NUMB: variants seen among roughly 807,000 people sequenced by gnomAD.
The protein encoded by NUMB is protein numb homolog.
Under a neutral mutation model 59.7 loss-of-function variants are expected in NUMB, and 29 were observed. That is an observed-to-expected ratio of 0.49 (90% confidence interval 0.36 to 0.66). The LOEUF is 0.66. Ranked by LOEUF, NUMB falls within the 30% of genes least tolerant of loss-of-function variation. The pLI is 0.00. For synonymous variants in NUMB, 288 were observed against 288.2 expected (o/e 1.00, Z 0.01); for missense variants, 723 against 822.0 (o/e 0.88, Z 1.47).
intron 1 of NUMB, among the ~76,000 whole-genome samples, chr14:73,431,513 G>A (rs537934020): frequency 6.6e-5 from 10 of 151,714 alleles, no homozygotes; most frequent in South Asian, 2.1e-4. Flanking sequence ...TTGGGAGGCC[G>A]AGGAAGGTGG....
intron 3 of NUMB, among the ~76,000 whole-genome samples, chr14:73,360,506 T>C (rs12886907): frequency 0.8 from 121,743 of 152,032 alleles, 49,309 homozygotes; most frequent in African/African-American, 0.92. Context: ...TGTAGTGAGC[T>C]GAGATCACAC....
intron 10 of NUMB, 57 bp from the exon 11 acceptor site, chr14:73,282,562 G>T: frequency 6.3e-7 from 1 of 1,577,196 alleles, no homozygotes; most frequent in South Asian, 1.1e-5. Context: ...CCTGAAATTT[G>T]ACAGTATGAT....
chr14:73,371,879 G>A (rs764444768), intron 2 of NUMB, among the ~76,000 whole-genome samples: 1 of 151,956 alleles, frequency 6.6e-6, no homozygotes, highest in South Asian at 2.1e-4. Context: ...ATAAAATTCT[G>A]GTTTTTATAA....
Position 73,277,020 on chromosome 14 carries a change from A to G in NUMB, c.1514T>C (p.Phe505Ser), listed in dbSNP as rs753545813. The G allele has an allele frequency of 6.2e-7, 1 of 1,614,108 alleles. No homozygotes were observed. The highest frequency in any genetic ancestry group is 1.1e-5 in the South Asian group (1 of 91,084). The change falls in exon 13 of 13, where the codon TTT (phenylalanine) becomes TCT (serine). Residue 505 changes from phenylalanine (F) to serine (S), a missense_variant. By Grantham distance (155) the Phe-to-Ser change is radical (BLOSUM62 -2). This residue lies in a region of NUMB where 406 missense variants were observed against 385.4 expected (regional missense o/e 1.05). Transcript: ENST00000555238. Reference protein sequence around the residue: ...VGVVPALQPAFVPAQSYPVAN... With the variant: ...VGVVPALQPASVPAQSYPVAN... ...CACAGGATAGGACTGGGCAGGGACA[A>G]AGGCTGGTTGCAGGGCTGGGACCAC...
At chr14:73,303,986 T>C (rs1047160101) in intron 6 of NUMB, among the ~76,000 whole-genome samples, 1 of 152,254 alleles carries the variant, frequency 6.6e-6, no homozygotes, top group African/African-American at 2.4e-5. Context: ...CCTTTTATTA[T>C]GGGTAGATAT....
At chr14:73,375,881 A>G (rs1465307152) in intron 2 of NUMB, among the ~76,000 whole-genome samples, 1 of 152,238 alleles carries the variant, frequency 6.6e-6, no homozygotes, top group African/African-American at 2.4e-5. Flanking sequence ...AAAATTTTAT[A>G]CAAACTAGGA....
intron 1 of NUMB, among the ~76,000 whole-genome samples, chr14:73,423,228 G>A (rs1337453367): frequency 1.3e-5 from 2 of 151,956 alleles, no homozygotes; most frequent in Non-Finnish European, 1.5e-5. Flanking sequence ...GGCCGGGTGC[G>A]GTGGCTCACT....
At chr14:73,374,243 C>T (rs1270438638) in intron 2 of NUMB, among the ~76,000 whole-genome samples, 1 of 152,166 alleles carries the variant, frequency 6.6e-6, no homozygotes, top group Non-Finnish European at 1.5e-5. Flanking sequence ...TGGTCTCAAA[C>T]TCCTGGCCTC....
At chr14:73,342,932 C>T (rs1270477772) in intron 4 of NUMB, among the ~76,000 whole-genome samples, 2 of 152,068 alleles carry the variant, frequency 1.3e-5, no homozygotes, top group Admixed American at 1.3e-4. Context: ...GCGGCCTCTA[C>T]CTCCTTACCT....
Position 73,316,264 on chromosome 14 carries a change from T to C in NUMB, c.234+126A>G, listed in dbSNP as rs143663743. The C allele has an allele frequency of 1.2e-3, 908 of 751,496 alleles. 13 individuals carry two copies. In the African/African-American group the frequency reaches 0.015, roughly 12 times the overall value. 46.6% of individuals were successfully genotyped at this position (751,496 alleles called of 1,614,324 possible). A position where few individuals can be genotyped will look rare whatever the true frequency, so the allele number is the denominator to read the frequency against. On this transcript the variant is annotated intron_variant, in intron 6 of 12. Transcript: ENST00000555238. Reference sequence around the variant, plus strand: ...TAACTTCCTAATTCATTAATTTCCATATACAATCAAACCAATTCCTGCATT... The same window carrying C: ...TAACTTCCTAATTCATTAATTTCCACATACAATCAAACCAATTCCTGCATT...
chr14:73,324,995 C>T (rs1891589124), intron 4 of NUMB, among the ~76,000 whole-genome samples: 1 of 150,590 alleles, frequency 6.6e-6, no homozygotes, highest in African/African-American at 2.4e-5. Context: ...CTTGCTACTG[C>T]CACAAGTAGC....
intron 2 of NUMB, among the ~76,000 whole-genome samples, chr14:73,376,360 A>C (rs1449480235): frequency 6.6e-6 from 1 of 152,126 alleles, no homozygotes; most frequent in South Asian, 2.1e-4. Context: ...CAAAATCTAC[A>C]CAAGAAAAAT....
At chr14:73,379,280 A>T (rs1895115788) in intron 2 of NUMB, among the ~76,000 whole-genome samples, 1 of 152,254 alleles carries the variant, frequency 6.6e-6, no homozygotes, top group African/African-American at 2.4e-5. Context: ...AATTTAATTT[A>T]AAAATGATTT....
intron 1 of NUMB, among the ~76,000 whole-genome samples, chr14:73,423,607 C>T (rs1225640864): frequency 1.3e-5 from 2 of 151,472 alleles, no homozygotes; most frequent in African/African-American, 4.9e-5. Context: ...CGCCACTGCA[C>T]TCCAGCCTGA....
At chr14:73,414,127 T>C in intron 1 of NUMB, among the ~76,000 whole-genome samples, 1 of 151,986 alleles carries the variant, frequency 6.6e-6, no homozygotes. Flanking sequence ...GCTAATATTT[T>C]TGTATTTTTA....
At chr14:73,376,643 A>C (rs1283569349) in intron 2 of NUMB, among the ~76,000 whole-genome samples, 2 of 152,266 alleles carry the variant, frequency 1.3e-5, no homozygotes, top group Non-Finnish European at 1.5e-5. Flanking sequence ...ATAAAGCCAC[A>C]GTAATCAAGA....
At chr14:73,378,742 G>A (rs1469424905) in intron 2 of NUMB, among the ~76,000 whole-genome samples, 1 of 152,192 alleles carries the variant, frequency 6.6e-6, no homozygotes, top group African/African-American at 2.4e-5. Flanking sequence ...ACTGCCAGGG[G>A]TAAGGGGTCT....
At chr14:73,414,059 A>G (rs561890482) in intron 1 of NUMB, among the ~76,000 whole-genome samples, 1 of 149,222 alleles carries the variant, frequency 6.7e-6, no homozygotes, top group East Asian at 2.0e-4. Flanking sequence ...GGTTCAAGGG[A>G]TTCTCATGCC....
At chr14:73,413,710 A>T (rs1455690332) in intron 1 of NUMB, among the ~76,000 whole-genome samples, 1 of 151,948 alleles carries the variant, frequency 6.6e-6, no homozygotes, top group Non-Finnish European at 1.5e-5. Flanking sequence ...GTGAGCAGAG[A>T]TTGCGCCACT....
Sources: allele counts gnomAD v4.1 joint callset (sites outside exome capture counted in the v4.1 genomes callset), GRCh38; gene constraint gnomAD v4.1.1; regional missense constraint gnomAD v4.1.1; transcripts MANE v1.5; gene names NCBI Gene and HGNC (gene_info 2026-07-23, HGNC 2026-07-21).